MCC: variants seen among roughly 807,000 people sequenced by gnomAD.
MCC encodes colorectal mutant cancer protein.
MCC carries 90 observed loss-of-function variants against 116.2 expected under a neutral mutation model. The ratio of observed to expected loss-of-function variants is 0.77; its 90% CI spans 0.65 to 0.92. The LOEUF is 0.92. Among genes scored for constraint, MCC ranks in the 40% least tolerant of loss-of-function variants. The pLI is 0.00. For missense variants in MCC, 1,516 were observed against 1,312.2 expected (o/e 1.16, Z -2.40); for synonymous variants, 578 against 510.5 (o/e 1.13, Z -1.78).
At chr5:113,287,686 TG>T (rs1766318045) in intron 3 of MCC, among the ~76,000 whole-genome samples, 1 of 152,156 alleles carries the variant, frequency 6.6e-6, no homozygotes, top group African/African-American at 2.4e-5. Context: ...CAGCCCCACC[TG>T]GGAGAAAGCC....
intron 3 of MCC, among the ~76,000 whole-genome samples, chr5:113,276,689 C>A (rs1322448228): frequency 6.6e-6 from 1 of 152,152 alleles, no homozygotes; most frequent in African/African-American, 2.4e-5. Context: ...TACAGTGGTA[C>A]AATCTCGGCT....
At chr5:113,478,652 G>A (rs993251967) in intron 1 of MCC, among the ~76,000 whole-genome samples, 1 of 152,092 alleles carries the variant, frequency 6.6e-6, no homozygotes, top group African/African-American at 2.4e-5. Flanking sequence ...GAAATTCAAG[G>A]GAGACATTGA....
At chr5:113,328,211 G>T (rs922736938) in intron 3 of MCC, among the ~76,000 whole-genome samples, 2 of 152,182 alleles carry the variant, frequency 1.3e-5, no homozygotes. Flanking sequence ...GGCCATCTGA[G>T]AATTAAATGA....
chr5:113,380,144 G>A (rs1561544663), intron 2 of MCC, among the ~76,000 whole-genome samples: 1 of 152,222 alleles, frequency 6.6e-6, no homozygotes, highest in Non-Finnish European at 1.5e-5. Context: ...TAGATGTGCT[G>A]TGAAATGTCG....
chr5:113,373,188 T>C (rs10477491), intron 2 of MCC, among the ~76,000 whole-genome samples: 1 of 120,624 alleles, frequency 8.3e-6, no homozygotes, highest in Non-Finnish European at 2.0e-5. Context: ...CAAAAAAAAA[T>C]AAAATAAAAT....
chr5:113,405,092 T>C (rs981319963), intron 1 of MCC, among the ~76,000 whole-genome samples: 8 of 152,244 alleles, frequency 5.3e-5, no homozygotes, highest in South Asian at 2.1e-4. Flanking sequence ...ACCAGCTCTA[T>C]AGTGGCAGTC....
At position 113,360,212 on chromosome 5, in the gene MCC, C is replaced by A. The variant is rs186911310; in HGVS notation, c.416-19482G>T. Among the ~76,000 whole-genome samples, 5 of 152,122 alleles carry A rather than the reference C, an allele frequency of 3.3e-5. No homozygotes were observed. In the East Asian group the frequency reaches 7.7e-4, roughly 23 times the overall value. On this transcript the variant is annotated intron_variant, in intron 2 of 18. Transcript: ENST00000408903. ...AGGGGAATAAAAAAAAAAATGATTT[C>A]GATTCCAGCTTCTTCACAAAAAACA...
At chr5:113,213,243 C>T (rs563927255) in intron 3 of MCC, among the ~76,000 whole-genome samples, 2 of 152,304 alleles carry the variant, frequency 1.3e-5, no homozygotes, top group Non-Finnish European at 2.9e-5. Flanking sequence ...TAGGAATAAA[C>T]ATTAAAGCAA....
chr5:113,115,293 G>A (rs12187866), intron 6 of MCC, among the ~76,000 whole-genome samples: 61,839 of 152,048 alleles, frequency 0.41, 15,289 homozygotes, highest in East Asian at 0.64. Context: ...CTATTTCAAA[G>A]TCAGGGTGGG....
chr5:113,392,290 C>T (rs1769421765), intron 1 of MCC, among the ~76,000 whole-genome samples: 1 of 152,014 alleles, frequency 6.6e-6, no homozygotes. Context: ...GAACAGTCAA[C>T]AGAAAAGAAA....
intron 3 of MCC, among the ~76,000 whole-genome samples, chr5:113,256,407 C>T (rs1765005525): frequency 6.6e-6 from 1 of 152,138 alleles, no homozygotes; most frequent in Non-Finnish European, 1.5e-5. Context: ...GGCCAGCAGG[C>T]ATAAGTAGAG....
intron 5 of MCC, among the ~76,000 whole-genome samples, chr5:113,137,956 A>AGAAT (rs11450613): frequency 6.6e-6 from 1 of 151,866 alleles, no homozygotes; most frequent in Non-Finnish European, 1.5e-5. Flanking sequence ...TGGCTACATT[A>AGAAT]CCCTGTAGCT....
chr5:113,149,380 C>T (rs965829379), intron 4 of MCC, among the ~76,000 whole-genome samples: 1 of 151,868 alleles, frequency 6.6e-6, no homozygotes, highest in African/African-American at 2.4e-5. Flanking sequence ...TTTTAAGTAA[C>T]ATTTTCATCT....
chr5:113,249,952 G>C (rs1180770570), intron 3 of MCC, among the ~76,000 whole-genome samples: 1 of 152,056 alleles, frequency 6.6e-6, no homozygotes, highest in Non-Finnish European at 1.5e-5. Context: ...CAGTTTCCAA[G>C]AAGCCAAAAA....
chr5:113,434,855 CA>C lies in MCC; in HGVS notation c.171-49644del, dbSNP rs752936418. 7.2e-5 allele frequency: 115 copies of C among 1,597,406 alleles called. No homozygotes were observed. In the African/African-American group the frequency reaches 1.4e-3, roughly 19 times the overall value. Reference sequence around the variant, plus strand: ...CGTCATCCATGGTGCCAGGAATGCCCAGTGCCTCTGAGGCTGCCCTCTACAG... The same window carrying C: ...CGTCATCCATGGTGCCAGGAATGCCCGTGCCTCTGAGGCTGCCCTCTACAG... On this transcript the variant is annotated intron_variant, in intron 1 of 18. Coordinates refer to ENST00000408903, the MANE Select transcript of MCC (RefSeq NM_001085377.2). This position sits in a 1 kb window ranked among gnomAD's most constrained non-coding sequence, Gnocchi z 4.2.
intron 3 of MCC, among the ~76,000 whole-genome samples, chr5:113,228,059 T>G (rs1371304778): frequency 6.6e-6 from 1 of 152,220 alleles, no homozygotes; most frequent in Non-Finnish European, 1.5e-5. Context: ...TGGGCTCAAT[T>G]AAACTTAATA....
intron 16 of MCC, among the ~76,000 whole-genome samples, chr5:113,045,946 A>G (rs1752041638): frequency 6.6e-6 from 1 of 152,154 alleles, no homozygotes; most frequent in African/African-American, 2.4e-5. Flanking sequence ...AAGCTCTACA[A>G]CATTCACTGT....
intron 5 of MCC, among the ~76,000 whole-genome samples, chr5:113,133,119 C>T (rs1385244778): frequency 6.6e-6 from 1 of 151,938 alleles, no homozygotes; most frequent in African/African-American, 2.4e-5. Flanking sequence ...ATATCCATCA[C>T]CTTCAACATG....
At chr5:113,133,997 G>A (rs935634255) in intron 5 of MCC, among the ~76,000 whole-genome samples, 1 of 152,270 alleles carries the variant, frequency 6.6e-6, no homozygotes, top group Middle Eastern at 3.4e-3. Flanking sequence ...CCAATGGACA[G>A]TGTGCAAATA....
Sources: gnomAD v4.1 joint callset for allele counts (sites outside exome capture counted in the v4.1 genomes callset) on GRCh38, gnomAD v4.1.1 for gene constraint, Gnocchi (gnomAD v3.1) non-coding constraint, MANE v1.5 for transcripts, NCBI Gene and HGNC (gene_info 2026-07-23, HGNC 2026-07-21) for gene names.